NKAIN3: variants seen among roughly 807,000 people sequenced by gnomAD.
NKAIN3 encodes the protein sodium/potassium transporting ATPase interacting 3.
NKAIN3 carries 25 observed loss-of-function variants against 30.2 expected under a neutral mutation model. The ratio of observed to expected loss-of-function variants is 0.83; its 90% CI spans 0.60 to 1.16. NKAIN3 has a LOEUF of 1.16. Ranked by LOEUF, NKAIN3 falls within the 50% of genes most tolerant of loss-of-function variation. The pLI, the probability that NKAIN3 is intolerant of heterozygous loss-of-function variation, is 0.00. For missense variants in NKAIN3, 225 were observed against 254.1 expected (o/e 0.89, Z 0.78); for synonymous variants, 91 against 89.6 (o/e 1.02, Z -0.09).
intron 4 of NKAIN3, among the ~76,000 whole-genome samples, chr8:62,850,466 C>T (rs1819857807): frequency 6.6e-6 from 1 of 151,934 alleles, no homozygotes; most frequent in Middle Eastern, 3.2e-3. Context: ...TTAATTAGAT[C>T]CCATTTGTCA....
At chr8:62,926,671 C>G (rs1212303055) in intron 5 of NKAIN3, among the ~76,000 whole-genome samples, 1 of 152,146 alleles carries the variant, frequency 6.6e-6, no homozygotes, top group Non-Finnish European at 1.5e-5. Flanking sequence ...CCGCCGGCGG[C>G]TTTTTCCTCC....
At chr8:62,724,493 A>G (rs954948244) in intron 3 of NKAIN3, among the ~76,000 whole-genome samples, 1 of 152,046 alleles carries the variant, frequency 6.6e-6, no homozygotes, top group Non-Finnish European at 1.5e-5. Flanking sequence ...CTATCTAACT[A>G]TATTTTGGTA....
chr8:62,614,821 C>G (rs1387348654), intron 3 of NKAIN3, among the ~76,000 whole-genome samples: 1 of 152,092 alleles, frequency 6.6e-6, no homozygotes, highest in Non-Finnish European at 1.5e-5. Flanking sequence ...CAGACTACCT[C>G]TAATGTTCCC....
chr8:62,943,766 A>T lies in NKAIN3; in HGVS notation c.533-10136A>T, dbSNP rs540996080. On this transcript the variant is annotated intron_variant, in intron 5 of 6. Transcript: ENST00000623646. ...TATTTATATTTATATGATATATTAT[A>T]TTATATATGGTATAATATATTTTTA... Among the ~76,000 whole-genome samples, 799 of 148,004 alleles carry T rather than the reference A, an allele frequency of 5.4e-3. 10 individuals are homozygous for T. The highest frequency in any genetic ancestry group is 0.019 in the African/African-American group (775 of 40,858).
At chr8:62,788,476 C>T (rs1355388633) in intron 4 of NKAIN3, among the ~76,000 whole-genome samples, 3 of 152,106 alleles carry the variant, frequency 2.0e-5, no homozygotes, top group East Asian at 1.9e-4. Context: ...TTCTCCCATT[C>T]TGTAGGTTGC....
intron 4 of NKAIN3, among the ~76,000 whole-genome samples, chr8:62,868,150 G>A (rs941856559): frequency 6.6e-6 from 1 of 152,150 alleles, no homozygotes; most frequent in Non-Finnish European, 1.5e-5. Flanking sequence ...ATGACTGTTA[G>A]AAAAGGAAGC....
intron 4 of NKAIN3, among the ~76,000 whole-genome samples, chr8:62,893,200 C>T (rs1821341511): frequency 6.6e-6 from 1 of 152,034 alleles, no homozygotes; most frequent in Non-Finnish European, 1.5e-5. Flanking sequence ...ATGCTTTTCC[C>T]TCTGGGTCAA....
intron 4 of NKAIN3, among the ~76,000 whole-genome samples, chr8:62,864,722 T>C (rs1820367389): frequency 6.6e-6 from 1 of 152,132 alleles, no homozygotes; most frequent in Non-Finnish European, 1.5e-5. Flanking sequence ...ACTGGGGATT[T>C]GCCAAAAGCA....
At chr8:62,589,875 T>G (rs1226340076) in intron 3 of NKAIN3, 81 bp downstream of exon 3, 1 of 428,516 alleles carries the variant, frequency 2.3e-6, no homozygotes, top group Non-Finnish European at 4.2e-6. Context: ...TATAGGTATA[T>G]TGTGTGTGTG....
At chr8:62,957,830 C>G (rs1343684774) in intron 6 of NKAIN3, among the ~76,000 whole-genome samples, 1 of 152,044 alleles carries the variant, frequency 6.6e-6, no homozygotes, top group Non-Finnish European at 1.5e-5. Flanking sequence ...TGTACAACAC[C>G]AAGAGTGAAT....
chr8:62,674,969 G>A (rs1813426554), intron 3 of NKAIN3, among the ~76,000 whole-genome samples: 1 of 152,154 alleles, frequency 6.6e-6, no homozygotes, highest in Non-Finnish European at 1.5e-5. Flanking sequence ...TAAATTGTAA[G>A]ACACACAGGC....
intron 3 of NKAIN3, among the ~76,000 whole-genome samples, chr8:62,693,235 TTAA>T (rs1257868312): frequency 6.6e-6 from 1 of 152,248 alleles, no homozygotes; most frequent in Non-Finnish European, 1.5e-5. Context: ...TACTGATGTC[TTAA>T]TGATATCTTG....
At position 62,552,165 on chromosome 8, in the gene NKAIN3, C is replaced by T. The variant is rs79040158; in HGVS notation, c.55-27374C>T. The stretch of plus-strand genomic sequence containing the variant: ...TTGAGCTACATTTACATATCATGAT[C>T]AGTTGTAATGTTTCTTGTTTTATTT... On this transcript the variant is annotated intron_variant, in intron 1 of 6. Coordinates refer to ENST00000623646, the MANE Select transcript of NKAIN3 (RefSeq NM_001304533.3). Among the ~76,000 whole-genome samples, 400 of 152,266 alleles carry T rather than the reference C, an allele frequency of 2.6e-3. 3 individuals are homozygous for T. Among genetic ancestry groups the T allele is most frequent in the African/African-American group, 8.6e-3 (357 of 41,558 alleles).
chr8:62,490,388 A>C (rs115064229), intron 1 of NKAIN3, among the ~76,000 whole-genome samples: 198 of 152,312 alleles, frequency 1.3e-3, no homozygotes, highest in African/African-American at 4.6e-3. Context: ...ATCACATGCA[A>C]TAAATCTCTT....
At chr8:62,611,756 G>A (rs1173213728) in intron 3 of NKAIN3, among the ~76,000 whole-genome samples, 1 of 152,110 alleles carries the variant, frequency 6.6e-6, no homozygotes, top group African/African-American at 2.4e-5. Flanking sequence ...ACATAGGAGT[G>A]CAGATATCTC....
intron 1 of NKAIN3, among the ~76,000 whole-genome samples, chr8:62,577,478 GTT>G (rs748208729): frequency 8.2e-6 from 1 of 121,576 alleles, no homozygotes; most frequent in African/African-American, 3.0e-5. Context: ...TTTTTTTTTG[GTT>G]TTTTTTTTTG....
chr8:62,777,365 A>G (rs761531450), intron 4 of NKAIN3, among the ~76,000 whole-genome samples: 1 of 152,018 alleles, frequency 6.6e-6, no homozygotes, highest in Non-Finnish European at 1.5e-5. Context: ...TTTATCTTGT[A>G]GATGTGCTTC....
At chr8:62,735,482 T>C (rs1815631590) in intron 3 of NKAIN3, among the ~76,000 whole-genome samples, 1 of 152,052 alleles carries the variant, frequency 6.6e-6, no homozygotes, top group Non-Finnish European at 1.5e-5. Flanking sequence ...TGTCCTTTAT[T>C]TCCAGAAGTT....
intron 4 of NKAIN3, among the ~76,000 whole-genome samples, chr8:62,881,280 C>T (rs943083264): frequency 1.3e-5 from 2 of 152,164 alleles, no homozygotes; most frequent in Non-Finnish European, 2.9e-5. Context: ...CCCTGTCTTC[C>T]ACCTATTCAT....
Sources: gnomAD v4.1 joint callset for allele counts (sites outside exome capture counted in the v4.1 genomes callset) on GRCh38, gnomAD v4.1.1 for gene constraint, MANE v1.5 for transcripts, NCBI Gene and HGNC (gene_info 2026-07-23, HGNC 2026-07-21) for gene names.